CPNE4: variants seen among roughly 807,000 people sequenced by gnomAD.
CPNE4 encodes copine-4.
A neutral mutation model predicts 67.9 loss-of-function variants in CPNE4; 25 were observed. That is an observed-to-expected ratio of 0.37 (90% CI 0.27 to 0.51). CPNE4 has a LOEUF of 0.51. Among genes scored for constraint, CPNE4 ranks in the 20% least tolerant of loss-of-function variants. CPNE4 has a pLI of 0.93. For synonymous variants in CPNE4, 242 were observed against 244.9 expected (o/e 0.99, Z 0.11); for missense variants, 464 against 690.8 (o/e 0.67, Z 3.68).
At chr3:131,838,829 GTATA>G (rs147869766) in intron 2 of CPNE4, among the ~76,000 whole-genome samples, 1 of 150,268 alleles carries the variant, frequency 6.7e-6, no homozygotes, top group African/African-American at 2.4e-5. Context: ...GAATATGTGT[GTATA>G]TATATATATG....
intron 2 of CPNE4, among the ~76,000 whole-genome samples, chr3:131,848,956 C>CAAAAAAAAAAAAAAAAAAAAAAAAAAAA (rs67407668): frequency 2.5e-5 from 2 of 79,636 alleles, no homozygotes; most frequent in African/African-American, 6.9e-5. Flanking sequence ...GTAGTGATTA[C>CAAAAAAAAAAAAAAAAAAAAAAAAAAAA]AAAAAAAAAA....
At chr3:131,668,163 T>G (rs17359339) in intron 7 of CPNE4, among the ~76,000 whole-genome samples, 53,345 of 151,896 alleles carry the variant, frequency 0.35, 11,149 homozygotes, top group Non-Finnish European at 0.48. Context: ...CTGCTAAGAG[T>G]TCAACTGCAA....
At chr3:132,018,009 C>G (rs566098489) in intron 1 of CPNE4, among the ~76,000 whole-genome samples, 2 of 152,244 alleles carry the variant, frequency 1.3e-5, no homozygotes, top group East Asian at 1.9e-4. Flanking sequence ...CAGAGTGTGC[C>G]CCCAGACAAC....
intron 1 of CPNE4, among the ~76,000 whole-genome samples, chr3:131,962,287 GTCTTT>G (rs1250132003): frequency 1.3e-5 from 2 of 152,352 alleles, no homozygotes; most frequent in African/African-American, 4.8e-5. Flanking sequence ...ATGAAGAGAT[GTCTTT>G]TCTTTTGCCT....
chr3:131,955,028 A>G (rs939544823), intron 1 of CPNE4, among the ~76,000 whole-genome samples: 2 of 150,196 alleles, frequency 1.3e-5, no homozygotes, highest in African/African-American at 4.9e-5. Context: ...AGCTGAGCAC[A>G]TAACCACCAG....
At chr3:132,009,829 G>A (rs1382177910) in intron 1 of CPNE4, among the ~76,000 whole-genome samples, 5 of 152,208 alleles carry the variant, frequency 3.3e-5, no homozygotes, top group African/African-American at 9.7e-5. Context: ...TAACAACTGA[G>A]TTGGGAAAAG....
intron 1 of CPNE4, among the ~76,000 whole-genome samples, chr3:131,926,171 T>C (rs1164591154): frequency 1.3e-5 from 2 of 151,988 alleles, no homozygotes; most frequent in East Asian, 3.9e-4. Context: ...AAGAGGCAGG[T>C]GTGAGTCAGA....
At chr3:131,954,618 GT>G (rs1419829898) in intron 1 of CPNE4, among the ~76,000 whole-genome samples, 1 of 152,098 alleles carries the variant, frequency 6.6e-6, no homozygotes, top group African/African-American at 2.4e-5. Context: ...TTTACATTGG[GT>G]ATATCTCCTA....
chr3:131,760,572 C>G (rs988399654), intron 2 of CPNE4, among the ~76,000 whole-genome samples: 1 of 152,154 alleles, frequency 6.6e-6, no homozygotes, highest in African/African-American at 2.4e-5. Context: ...AAAGCCTAGA[C>G]TTTTCCCCAT....
At chr3:131,942,745 C>A (rs190831344) in intron 1 of CPNE4, among the ~76,000 whole-genome samples, 7 of 152,176 alleles carry the variant, frequency 4.6e-5, no homozygotes, top group African/African-American at 1.4e-4. Context: ...TTCCTCTCTT[C>A]GAATCCCTCT....
chr3:131,894,948 AT>A (rs1209430522), intron 2 of CPNE4, among the ~76,000 whole-genome samples: 1 of 152,056 alleles, frequency 6.6e-6, no homozygotes, highest in Non-Finnish European at 1.5e-5. Context: ...TAGCCAAGAT[AT>A]TCAGTCAACC....
At chr3:131,654,349 A>C (rs925074888) in intron 7 of CPNE4, among the ~76,000 whole-genome samples, 1 of 152,108 alleles carries the variant, frequency 6.6e-6, no homozygotes, top group Non-Finnish European at 1.5e-5. Context: ...TTTGTCACCC[A>C]GGTACTAAGC....
At chr3:131,635,401 T>G (rs958180052) in intron 7 of CPNE4, among the ~76,000 whole-genome samples, 14 of 152,190 alleles carry the variant, frequency 9.2e-5, no homozygotes, top group Admixed American at 2.0e-4. Context: ...ACAATTACCT[T>G]TCTACTTAAT....
At chr3:131,547,054 A>G (rs1935887954) in intron 14 of CPNE4, among the ~76,000 whole-genome samples, 1 of 152,196 alleles carries the variant, frequency 6.6e-6, no homozygotes. Flanking sequence ...TGCATCTATG[A>G]AGGTTCAAAT....
intron 12 of CPNE4, among the ~76,000 whole-genome samples, chr3:131,554,629 A>G (rs1424606494): frequency 6.6e-6 from 1 of 152,076 alleles, no homozygotes; most frequent in Non-Finnish European, 1.5e-5. Context: ...TTCAAAAAGG[A>G]TACCTAAGGG....
chr3:131,979,513 T>C (rs2072849296), intron 1 of CPNE4, among the ~76,000 whole-genome samples: 1 of 152,224 alleles, frequency 6.6e-6, no homozygotes, highest in Non-Finnish European at 1.5e-5. Context: ...CTGCTCGCTT[T>C]TGGTGTCCAT....
chr3:131,623,475 T>C (rs1940584294), intron 7 of CPNE4, among the ~76,000 whole-genome samples: 1 of 151,836 alleles, frequency 6.6e-6, no homozygotes, highest in Non-Finnish European at 1.5e-5. Flanking sequence ...CACAAGAGAG[T>C]TTCTCAAATC....
intron 2 of CPNE4, among the ~76,000 whole-genome samples, chr3:131,746,044 C>T (rs1314755709): frequency 6.6e-6 from 1 of 151,950 alleles, no homozygotes; most frequent in Admixed American, 6.6e-5. Context: ...TTACTTAGAT[C>T]TTCCATTTCT....
intron 1 of CPNE4, among the ~76,000 whole-genome samples, chr3:131,982,350 T>C (rs6763430): frequency 0.11 from 17,152 of 152,170 alleles, 3,108 homozygotes; most frequent in African/African-American, 0.38. Context: ...AATGAAGATA[T>C]CAGAATTCTT....
Sources: gnomAD v4.1 joint callset for allele counts (sites outside exome capture counted in the v4.1 genomes callset) on GRCh38, gnomAD v4.1.1 for gene constraint, MANE v1.5 for transcripts, NCBI Gene and HGNC (gene_info 2026-07-23, HGNC 2026-07-21) for gene names.